Variants in NEBL observed in about 807,000 individuals in gnomAD.
NEBL encodes the protein LIM and SH3 protein 2.
Under a neutral mutation model 140.2 loss-of-function variants are expected in NEBL, and 122 were observed. The observed-to-expected ratio is 0.87, with a 90% CI of 0.75 to 1.01. The LOEUF is 1.01. Ranked by LOEUF, NEBL falls within the 50% of genes least tolerant of loss-of-function variation. The pLI is 0.00. For synonymous variants in NEBL, 436 were observed against 398.9 expected (o/e 1.09, Z -1.11); for missense variants, 1,365 against 1,231.3 (o/e 1.11, Z -1.62).
chr10:21,131,088 A>G (rs1428946278), intron 2 of NEBL, among the ~76,000 whole-genome samples: 1 of 152,192 alleles, frequency 6.6e-6, no homozygotes, highest in Non-Finnish European at 1.5e-5. Flanking sequence ...TATTAAAAGG[A>G]TAATAAAAGA....
At chr10:21,114,100 G>A (rs1838170362) in intron 2 of NEBL, among the ~76,000 whole-genome samples, 1 of 151,904 alleles carries the variant, frequency 6.6e-6, no homozygotes, top group Admixed American at 6.6e-5. Flanking sequence ...ACAAATTGTT[G>A]TTGTGGGTTT....
chr10:21,186,243 T>A (rs1332027502), intron 3 of NEBL, among the ~76,000 whole-genome samples: 9 of 146,976 alleles, frequency 6.1e-5, no homozygotes, highest in East Asian at 2.0e-4. Context: ...TTTTAAAAAA[T>A]TTTTATATAT....
intron 2 of NEBL, among the ~76,000 whole-genome samples, chr10:20,894,006 C>G (rs986905852): frequency 6.6e-6 from 1 of 152,126 alleles, no homozygotes; most frequent in Non-Finnish European, 1.5e-5. Context: ...CTAAGCAAAA[C>G]ATCATCCTGC....
chr10:21,060,665 GC>G (rs758439621), intron 2 of NEBL, among the ~76,000 whole-genome samples: 18 of 151,792 alleles, frequency 1.2e-4, no homozygotes, highest in Non-Finnish European at 2.4e-4. Context: ...TTCCCTGTAT[GC>G]AAAACTCTTC....
intron 1 of NEBL, among the ~76,000 whole-genome samples, chr10:21,259,341 C>T (rs1417020506): frequency 2.0e-5 from 3 of 152,122 alleles, no homozygotes; most frequent in African/African-American, 7.2e-5. Context: ...GTGCCCATCC[C>T]TACTTGGAGA....
chr10:20,828,516 T>C lies in NEBL; in HGVS notation c.1776+14A>G. On this transcript the variant is annotated intron_variant, in intron 17 of 27. Coordinates refer to ENST00000377122, the MANE Select transcript of NEBL (RefSeq NM_006393.3). ...TTTCAAGGTGGCAACTTAAAAGAAG[T>C]AATGGCTACTCACCGCACTAATGTT... 6.6e-7 allele frequency: 1 copy of C among 1,519,356 alleles called. No individual in the cohort carries two copies. Among genetic ancestry groups the C allele is most frequent in the Non-Finnish European group, 9.1e-7 (1 of 1,094,466 alleles). The allele number at this position is 1,519,356 out of a possible 1,614,324, so 94.1% of individuals were successfully genotyped here. A position where few individuals can be genotyped will look rare whatever the true frequency, so the allele number is the denominator to read the frequency against.
rs554217311 is a variant in NEBL, at chr10:21,232,235, T to G, written n.348+15686A>C. Among the ~76,000 whole-genome samples, 3 of 152,142 alleles carry G rather than the reference T, an allele frequency of 2.0e-5. No homozygotes were observed. In the East Asian group the frequency reaches 5.8e-4, roughly 29 times the overall value. On this transcript the variant is annotated intron_variant and non_coding_transcript_variant, in intron 3 of 8. Coordinates refer to the NEBL transcript ENST00000675702. ...GCAAAGTAGCCATAGACCATGCAAT[T>G]CTCTGCAACCCATAATACAGAACTT...
chr10:21,162,101 A>G (rs1027773348), intron 2 of NEBL, among the ~76,000 whole-genome samples: 5 of 152,210 alleles, frequency 3.3e-5, no homozygotes, highest in African/African-American at 1.2e-4. Flanking sequence ...TGAAACCCCA[A>G]TAAAAACTCT....
upstream of NEBL, among the ~76,000 whole-genome samples, chr10:20,899,111 T>A (rs1249452905): frequency 6.6e-6 from 1 of 152,262 alleles, no homozygotes; most frequent in Non-Finnish European, 1.5e-5. Flanking sequence ...ATTTTATTTG[T>A]TCCGTAAAAG....
chr10:21,163,565 C>T (rs1000766698), intron 2 of NEBL, among the ~76,000 whole-genome samples: 5 of 152,162 alleles, frequency 3.3e-5, no homozygotes, highest in South Asian at 2.1e-4. Context: ...TTCTAACTCC[C>T]GCTCCACATC....
At chr10:21,042,266 C>T (rs149041191) in intron 2 of NEBL, among the ~76,000 whole-genome samples, 188 of 152,266 alleles carry the variant, frequency 1.2e-3, no homozygotes, top group African/African-American at 4.3e-3. Flanking sequence ...GACTGAGGAA[C>T]GTACGTCTTG....
intron 2 of NEBL, among the ~76,000 whole-genome samples, chr10:21,142,102 GAAC>G (rs1411947235): frequency 6.6e-6 from 1 of 152,008 alleles, no homozygotes; most frequent in Non-Finnish European, 1.5e-5. Context: ...AAACTTGTAG[GAAC>G]AACAATTCTC....
chr10:20,815,998 G>A (rs1838687941), intron 21 of NEBL, among the ~76,000 whole-genome samples: 1 of 152,036 alleles, frequency 6.6e-6, no homozygotes, highest in Non-Finnish European at 1.5e-5. Flanking sequence ...AAACTCCTGG[G>A]CTCAAGTGAT....
At chr10:20,883,203 A>C (rs145676258) in intron 4 of NEBL, among the ~76,000 whole-genome samples, 2 of 152,116 alleles carry the variant, frequency 1.3e-5, no homozygotes, top group Admixed American at 1.3e-4. Context: ...ACGGACCACA[A>C]CATTTTTCTT....
intron 2 of NEBL, chr10:21,030,937 T>G: frequency 4.2e-6 from 1 of 239,146 alleles, no homozygotes; most frequent in South Asian, 5.8e-5. Context: ...GGCTACAAAT[T>G]ACCATTAGGA....
chr10:20,883,584 A>C (rs944857605), intron 4 of NEBL, among the ~76,000 whole-genome samples: 2 of 152,098 alleles, frequency 1.3e-5, no homozygotes, highest in African/African-American at 4.8e-5. Flanking sequence ...CTAAGGAAAA[A>C]CTTCTATGAG....
intron 16 of NEBL, among the ~76,000 whole-genome samples, chr10:20,830,407 G>A (rs112828630): frequency 2.0e-5 from 3 of 152,024 alleles, no homozygotes; most frequent in African/African-American, 4.8e-5. Flanking sequence ...GCTAATGAAT[G>A]TTTTTGCCCA....
At chr10:20,832,633 C>A (rs1187152702) in intron 14 of NEBL, among the ~76,000 whole-genome samples, 1 of 152,046 alleles carries the variant, frequency 6.6e-6, no homozygotes, top group Admixed American at 6.6e-5. Flanking sequence ...TTAACTATAG[C>A]CAATTAAATT....
chr10:21,145,362 A>G (rs937603617), intron 2 of NEBL, among the ~76,000 whole-genome samples: 4 of 152,346 alleles, frequency 2.6e-5, no homozygotes, highest in East Asian at 1.9e-4. Context: ...TTAAATGTCC[A>G]TTAATTGGGG....
Sources: allele counts gnomAD v4.1 joint callset (sites outside exome capture counted in the v4.1 genomes callset), GRCh38; gene constraint gnomAD v4.1.1; transcripts MANE v1.5; gene names NCBI Gene and HGNC (gene_info 2026-07-23, HGNC 2026-07-21).